BCL2: variants seen among roughly 807,000 people sequenced by gnomAD.
The protein encoded by BCL2 is apoptosis regulator Bcl-2.
A neutral mutation model predicts 14.2 loss-of-function variants in BCL2; 1 was observed. The ratio of observed to expected loss-of-function variants is 0.07; its 90% CI spans 0.02 to 0.33. The LOEUF (loss-of-function observed/expected upper bound fraction) is 0.33. Among genes scored for constraint, BCL2 ranks in the 10% least tolerant of loss-of-function variants. BCL2 has a pLI of 0.99. For synonymous variants in BCL2, 151 were observed against 137.2 expected (o/e 1.10, Z -0.70); for missense variants, 247 against 305.9 (o/e 0.81, Z 1.44).
chr18:63,157,586 C>T (rs1568218623), intron 2 of BCL2, among the ~76,000 whole-genome samples: 1 of 152,234 alleles, frequency 6.6e-6, no homozygotes, highest in Non-Finnish European at 1.5e-5. Context: ...TCTCCTCTCA[C>T]TTATTATAAT....
At chr18:63,203,199 C>T (rs1470359576) in intron 2 of BCL2, among the ~76,000 whole-genome samples, 1 of 152,202 alleles carries the variant, frequency 6.6e-6, no homozygotes, top group Admixed American at 6.5e-5. Flanking sequence ...CTACCTTCTG[C>T]ATCCATTGCG....
intron 2 of BCL2, among the ~76,000 whole-genome samples, chr18:63,162,073 T>C (rs932782398): frequency 2.0e-5 from 3 of 152,132 alleles, no homozygotes; most frequent in Non-Finnish European, 2.9e-5. Context: ...ATGTCAGACA[T>C]GAGCAGCCAG....
chr18:63,166,370 C>T (rs1053507886), intron 2 of BCL2, among the ~76,000 whole-genome samples: 3 of 152,138 alleles, frequency 2.0e-5, no homozygotes, highest in Non-Finnish European at 2.9e-5. Flanking sequence ...GGACCCTGGA[C>T]GGGGCAGGGA....
chr18:63,267,717 T>C (rs750181090), intron 2 of BCL2, among the ~76,000 whole-genome samples: 1 of 152,218 alleles, frequency 6.6e-6, no homozygotes, highest in Non-Finnish European at 1.5e-5. Flanking sequence ...TTTTTAATAC[T>C]GAAAGTTCTG....
chr18:63,219,131 T>C (rs1910308995), intron 2 of BCL2, among the ~76,000 whole-genome samples: 1 of 152,216 alleles, frequency 6.6e-6, no homozygotes, highest in Admixed American at 6.5e-5. Context: ...CATTAAATCT[T>C]ATCTTCTGAA....
chr18:63,190,356 T>C (rs1259974212), intron 2 of BCL2, among the ~76,000 whole-genome samples: 1 of 152,214 alleles, frequency 6.6e-6, no homozygotes, highest in African/African-American at 2.4e-5. Flanking sequence ...CGAATACAAA[T>C]GATAGCCCAT....
chr18:63,205,589 G>A (rs1158766572), intron 2 of BCL2, among the ~76,000 whole-genome samples: 1 of 152,040 alleles, frequency 6.6e-6, no homozygotes, highest in Non-Finnish European at 1.5e-5. Context: ...CTGAACTACT[G>A]GGGAGAGTAT....
chr18:63,306,089 T>C (rs1296507572), intron 2 of BCL2, among the ~76,000 whole-genome samples: 3 of 151,696 alleles, frequency 2.0e-5, no homozygotes, highest in East Asian at 1.9e-4. Context: ...AACAAACAAA[T>C]AAACAAACAA....
At chr18:63,174,341 C>T (rs965564815) in intron 2 of BCL2, among the ~76,000 whole-genome samples, 3 of 151,990 alleles carry the variant, frequency 2.0e-5, no homozygotes, top group South Asian at 2.1e-4. Flanking sequence ...TACGCATGGA[C>T]GGGTGGATGA....
intron 2 of BCL2, among the ~76,000 whole-genome samples, chr18:63,259,718 G>A (rs1911599442): frequency 6.6e-6 from 1 of 152,228 alleles, no homozygotes; most frequent in Non-Finnish European, 1.5e-5. Context: ...CAGGGGGCAA[G>A]GTCACCTCGG....
At position 63,318,697 on chromosome 18, in the gene BCL2, C is replaced by G. The variant is rs1418309062; in HGVS notation, c.-31G>C. 3 of 1,611,832 alleles carry G rather than the reference C, an allele frequency of 1.9e-6. No individual in the cohort carries two copies. Among genetic ancestry groups the G allele is most frequent in the Non-Finnish European group, 2.5e-6 (3 of 1,178,878 alleles). ...CCAGAGGAAAAGCAACGGGGGCCAA[C>G]GGCACCTCTCGCCCCAGCTCCCACC... On this transcript the variant is annotated 5_prime_UTR_variant, in exon 2 of 3. Coordinates refer to ENST00000333681, the MANE Select transcript of BCL2 (RefSeq NM_000633.3). This position sits in a 1 kb window ranked among gnomAD's most constrained non-coding sequence, Gnocchi z 7.4.
chr18:63,263,116 A>AG (rs1249246746), intron 2 of BCL2, among the ~76,000 whole-genome samples: 4 of 152,304 alleles, frequency 2.6e-5, no homozygotes, highest in Non-Finnish European at 5.9e-5. Flanking sequence ...ACCTCAGCCT[A>AG]GGGGGCAGCG....
chr18:63,251,125 C>T (rs1420429752), intron 2 of BCL2, among the ~76,000 whole-genome samples: 1 of 124,958 alleles, frequency 8.0e-6, no homozygotes, highest in African/African-American at 3.1e-5. Context: ...AAGGGTCACA[C>T]GGTTGAAACT....
At chr18:63,218,069 A>G (rs1910256190) in intron 2 of BCL2, among the ~76,000 whole-genome samples, 1 of 152,180 alleles carries the variant, frequency 6.6e-6, no homozygotes, top group South Asian at 2.1e-4. Flanking sequence ...GTCAGTCAGC[A>G]TCCTTCTCTT....
Position 63,318,053 on chromosome 18 carries a change from C to T in BCL2, c.585+29G>A. The T allele has an allele frequency of 3.1e-6, 5 of 1,611,320 alleles. No homozygotes were observed. The highest frequency in any genetic ancestry group is 1.7e-4 in the Middle Eastern group (1 of 6,058). ...CCGCATCTCGGACCTGTGGCCTCAG[C>T]CCAGACTCACATCACCAAGTGCACC... On this transcript the variant is annotated intron_variant, in intron 2 of 2. Coordinates refer to ENST00000333681, the MANE Select transcript of BCL2 (RefSeq NM_000633.3). The surrounding 1 kb of genome is among the most constrained non-coding windows in gnomAD (Gnocchi z 7.4).
intron 2 of BCL2, among the ~76,000 whole-genome samples, chr18:63,146,753 C>A (rs1359731486): frequency 1.3e-5 from 2 of 151,700 alleles, no homozygotes; most frequent in Non-Finnish European, 2.9e-5. Flanking sequence ...ACTGAAACAC[C>A]CCGAGAAACT....
intron 2 of BCL2, among the ~76,000 whole-genome samples, chr18:63,275,818 G>A (rs1912136215): frequency 6.6e-6 from 1 of 152,242 alleles, no homozygotes; most frequent in African/African-American, 2.4e-5. Flanking sequence ...CGTGGTGGAG[G>A]GGGTTACCTA....
rs948641899 is a variant in BCL2 at position 63,198,754 on chromosome 18, C to G, written c.586-69995G>C. ...ACACAGACACAGGGACACACACAGA[C>G]ACACACTGACACAGAGACACACAGA... is the stretch of plus-strand genomic sequence containing the variant. On this transcript the variant is annotated intron_variant, in intron 2 of 2. Transcript: ENST00000333681. Among the ~76,000 whole-genome samples, 365 of 145,280 alleles carry G rather than the reference C, an allele frequency of 2.5e-3. 5 individuals are homozygous for G. Among genetic ancestry groups the G allele is most frequent in the African/African-American group, 8.8e-3 (340 of 38,662 alleles).
At chr18:63,256,766 GC>G (rs1911489672) in intron 2 of BCL2, among the ~76,000 whole-genome samples, 1 of 152,118 alleles carries the variant, frequency 6.6e-6, no homozygotes, top group Admixed American at 6.5e-5. Flanking sequence ...CACAAAGCCT[GC>G]CCCCTTCTCC....
Sources: allele counts gnomAD v4.1 joint callset (sites outside exome capture counted in the v4.1 genomes callset), GRCh38; gene constraint gnomAD v4.1.1; non-coding constraint Gnocchi (gnomAD v3.1); transcripts MANE v1.5; gene names NCBI Gene and HGNC (gene_info 2026-07-23, HGNC 2026-07-21).